The following SSUH2 variants were observed in gnomAD, a reference collection of about 807,000 sequenced individuals.
SSUH2 encodes protein SSUH2 homolog.
In SSUH2, 47 loss-of-function variants were observed where a neutral mutation model predicts 55.3. The observed-to-expected ratio is 0.85, with a 90% CI of 0.67 to 1.08. The LOEUF (loss-of-function observed/expected upper bound fraction) is 1.08, where lower values mean the gene tolerates loss of function less well. SSUH2 is among the 50% of genes least tolerant of loss of function. The pLI, the probability that SSUH2 is intolerant of heterozygous loss-of-function variation, is 0.00. For missense variants in SSUH2, 535 were observed against 490.7 expected (o/e 1.09, Z -0.85); for synonymous variants, 212 against 191.5 (o/e 1.11, Z -0.89).
rs144097969 is a variant in SSUH2, at chr3:8,630,817, C to T, written c.513G>A (p.Ser171=). Residue 171 remains serine (S), a synonymous_variant, in exon 6 of 12, where the codon TCG becomes TCA. Coordinates refer to ENST00000544814, the MANE Select transcript of SSUH2 (RefSeq NM_001256748.3). The stretch of plus-strand genomic sequence containing the variant: ...TTAATCGTATTACCTTGACCAGTGA[C>T]GAGTGAGGGACCTGGAACTTCCTGG... The part of the protein sequence containing the change: ...EDTRKFQVPH[S]SLVKECHKCH... 15 of 1,474,114 alleles carry T rather than the reference C, an allele frequency of 1.0e-5. No homozygotes were observed. Among genetic ancestry groups the T allele is most frequent in the South Asian group, 3.0e-5 (2 of 67,242 alleles). 91.3% of individuals were successfully genotyped at this position (1,474,114 alleles called of 1,614,324 possible). A position where few individuals can be genotyped will look rare whatever the true frequency, so the allele number is the denominator to read the frequency against.
chr3:8,673,682 T>C (rs555841677), intron 3 of SSUH2, among the ~76,000 whole-genome samples: 1 of 152,222 alleles, frequency 6.6e-6, no homozygotes, highest in South Asian at 2.1e-4. Context: ...ACTAAGTGGC[T>C]AGAGGAACAT....
upstream of SSUH2, among the ~76,000 whole-genome samples, chr3:8,648,047 C>G (rs1701932553): frequency 6.6e-6 from 1 of 152,214 alleles, no homozygotes; most frequent in Non-Finnish European, 1.5e-5. Context: ...GGACCTCTAA[C>G]TGCACAGACA....
At chr3:8,665,791 CTTTAT>C (rs1192861711) in intron 5 of SSUH2, among the ~76,000 whole-genome samples, 1 of 152,150 alleles carries the variant, frequency 6.6e-6, no homozygotes. Flanking sequence ...AAAATAGAAT[CTTTAT>C]TTTAGTCACA....
At chr3:8,675,353 C>T (rs1339537339) in intron 3 of SSUH2, among the ~76,000 whole-genome samples, 2 of 152,186 alleles carry the variant, frequency 1.3e-5, no homozygotes, top group Non-Finnish European at 2.9e-5. Flanking sequence ...TTCGGGAAGG[C>T]GTTGGCTCGA....
At chr3:8,631,952 T>TTA in intron 5 of SSUH2, 97 bp downstream of exon 5, 1 of 953,826 alleles carries the variant, frequency 1.0e-6, no homozygotes, top group Non-Finnish European at 1.7e-6. Context: ...GAAGACCATC[T>TTA]TATTTGAGAT....
At chr3:8,651,684 T>A (rs567102851) in intron 7 of SSUH2, among the ~76,000 whole-genome samples, 1 of 152,172 alleles carries the variant, frequency 6.6e-6, no homozygotes, top group African/African-American at 2.4e-5. Context: ...GAGTCTCCCA[T>A]GAAGCCAAAA....
intron 4 of SSUH2, among the ~76,000 whole-genome samples, chr3:8,671,514 T>C (rs2125408582): frequency 6.6e-6 from 1 of 152,062 alleles, no homozygotes; most frequent in African/African-American, 2.4e-5. Flanking sequence ...CGTGTGACAA[T>C]AAAAGTAACC....
chr3:8,681,001 G>A (rs1467006173), intron 1 of SSUH2, among the ~76,000 whole-genome samples: 3 of 151,154 alleles, frequency 2.0e-5, no homozygotes, highest in Admixed American at 6.6e-5. Context: ...GACCCCCATC[G>A]CAGTGGGGGA....
intron 1 of SSUH2, among the ~76,000 whole-genome samples, chr3:8,642,530 G>A (rs1701029187): frequency 6.6e-6 from 1 of 152,240 alleles, no homozygotes. Flanking sequence ...AGGAGATGCT[G>A]CCCTGGTCAG....
intron 3 of SSUH2, chr3:8,634,296 C>G (rs527802057): frequency 8.1e-6 from 8 of 988,624 alleles, no homozygotes; most frequent in Non-Finnish European, 1.1e-5. Context: ...CCCTGAGGAC[C>G]GTGGGTGGGA....
intron 5 of SSUH2, among the ~76,000 whole-genome samples, chr3:8,664,742 C>T (rs2125381997): frequency 6.6e-6 from 1 of 152,280 alleles, no homozygotes; most frequent in Admixed American, 6.5e-5. Flanking sequence ...GGCCCTTGGC[C>T]CTCACAATAT....
At chr3:8,651,785 G>A (rs1364650863) in intron 7 of SSUH2, among the ~76,000 whole-genome samples, 1 of 152,070 alleles carries the variant, frequency 6.6e-6, no homozygotes, top group East Asian at 1.9e-4. Flanking sequence ...GGATGGATGT[G>A]TTCCCATGGC....
intron 7 of SSUH2, among the ~76,000 whole-genome samples, chr3:8,658,366 G>C (rs977398915): frequency 5.3e-5 from 8 of 152,202 alleles, no homozygotes; most frequent in Non-Finnish European, 1.2e-4. Context: ...AGGAGAAAGA[G>C]GGGGTACTCT....
At chr3:8,632,623 A>G (rs904267427) in intron 4 of SSUH2, among the ~76,000 whole-genome samples, 2 of 152,204 alleles carry the variant, frequency 1.3e-5, no homozygotes, top group African/African-American at 4.8e-5. Flanking sequence ...ACAGCCACAC[A>G]GTGGCCTCTT....
At position 8,625,659 on chromosome 3, in the gene SSUH2, G is replaced by C; in HGVS notation, c.768-12C>G. The C allele has an allele frequency of 6.4e-7, 1 of 1,568,434 alleles. No individual in the cohort carries two copies. Among genetic ancestry groups the C allele is most frequent in the East Asian group, 2.2e-5 (1 of 44,678 alleles). On this transcript the variant is annotated splice_polypyrimidine_tract_variant and intron_variant, in intron 9 of 11. Transcript: ENST00000544814. ...ACAAGCTGTTCTTCCTGGAGGGAAG[G>C]AGGATGAGGGATGAAAGCACACAGT... is the stretch of plus-strand genomic sequence containing the variant.
chr3:8,645,676 G>A (rs1701590037), upstream of SSUH2, among the ~76,000 whole-genome samples: 1 of 152,162 alleles, frequency 6.6e-6, no homozygotes, highest in Non-Finnish European at 1.5e-5. Flanking sequence ...AGCAATGCAC[G>A]TGGGATGTGC....
At chr3:8,652,232 C>T (rs374368751) in intron 7 of SSUH2, among the ~76,000 whole-genome samples, 14 of 152,240 alleles carry the variant, frequency 9.2e-5, no homozygotes, top group East Asian at 3.8e-4. Context: ...GAGCCCTCCT[C>T]GGGATCTCTC....
At chr3:8,668,013 C>A (rs952305731) in intron 5 of SSUH2, among the ~76,000 whole-genome samples, 1 of 152,076 alleles carries the variant, frequency 6.6e-6, no homozygotes, top group African/African-American at 2.4e-5. Context: ...CAAGACCCCA[C>A]CTCCTTACAG....
At chr3:8,625,219 G>A (rs1298984019) in intron 10 of SSUH2, among the ~76,000 whole-genome samples, 2 of 151,956 alleles carry the variant, frequency 1.3e-5, no homozygotes, top group Non-Finnish European at 2.9e-5. Context: ...GGAAGGAGGG[G>A]ATGAGGAAGA....
Sources: allele counts gnomAD v4.1 joint callset (sites outside exome capture counted in the v4.1 genomes callset), GRCh38; gene constraint gnomAD v4.1.1; transcripts MANE v1.5; gene names NCBI Gene and HGNC (gene_info 2026-07-23, HGNC 2026-07-21).